MARS1: variants seen among roughly 807,000 people sequenced by gnomAD.
The protein encoded by MARS1 is methionyl-tRNA synthetase 1.
MARS1 carries 80 observed loss-of-function variants against 119.5 expected under a neutral mutation model. That is an observed-to-expected ratio of 0.67 (90% confidence interval 0.56 to 0.81). MARS1 has a LOEUF of 0.81. Among genes scored for constraint, MARS1 ranks in the 30% least tolerant of loss-of-function variants. MARS1 has a pLI of 0.00. For synonymous variants in MARS1, 418 were observed against 433.4 expected (o/e 0.96, Z 0.44); for missense variants, 945 against 1,116.5 (o/e 0.85, Z 2.19).
At chr12:57,500,025 C>G in intron 9 of MARS1, 1 of 389,888 alleles carries the variant, frequency 2.6e-6, no homozygotes, top group Non-Finnish European at 4.9e-6. Flanking sequence ...AGGCACAGTC[C>G]TATCCTATTG....
chr12:57,513,872 G>A (rs1426671012), intron 15 of MARS1, among the ~76,000 whole-genome samples: 2 of 150,420 alleles, frequency 1.3e-5, no homozygotes, highest in African/African-American at 4.9e-5. Context: ...AGACCAGCCT[G>A]GCCAACCTGG....
At chr12:57,505,468 C>T (rs1349810542) in intron 11 of MARS1, among the ~76,000 whole-genome samples, 1 of 151,982 alleles carries the variant, frequency 6.6e-6, no homozygotes, top group African/African-American at 2.4e-5. Flanking sequence ...GCCTGACCTC[C>T]TTTTTAAAAT....
intron 11 of MARS1, among the ~76,000 whole-genome samples, chr12:57,504,706 T>TA (rs1299723133): frequency 6.9e-6 from 1 of 145,892 alleles, no homozygotes; most frequent in Non-Finnish European, 1.5e-5. Context: ...TTTTTTTTTT[T>TA]TTTTTTTTTT....
intron 7 of MARS1, 77 bp downstream of exon 7, chr12:57,490,721 A>G (rs1875876578): frequency 5.4e-6 from 6 of 1,114,158 alleles, no homozygotes; most frequent in Admixed American, 3.6e-5. Context: ...CCTGCCTGCT[A>G]GGTCCCGTTT....
At chr12:57,493,784 ATATATTATATATTATAT>A (rs1876350482) in intron 7 of MARS1, among the ~76,000 whole-genome samples, 1 of 1,840 alleles carries the variant, frequency 5.4e-4, no homozygotes, top group Non-Finnish European at 8.9e-4. Flanking sequence ...AATATATATT[ATATATTATATATTATAT>A]TATATAATGT....
Sources: allele counts gnomAD v4.1 joint callset (sites outside exome capture counted in the v4.1 genomes callset), GRCh38; gene constraint gnomAD v4.1.1; transcripts MANE v1.5; gene names NCBI Gene and HGNC (gene_info 2026-07-23, HGNC 2026-07-21).